The following ZDHHC13 variants were observed in gnomAD, a reference collection of about 807,000 sequenced individuals.
ZDHHC13 encodes zDHHC palmitoyltransferase 13, also known as palmitoyltransferase ZDHHC13.
ZDHHC13 carries 85 observed loss-of-function variants against 86.0 expected under a neutral mutation model. The ratio of observed to expected loss-of-function variants is 0.99; its 90% CI spans 0.83 to 1.18. The LOEUF (loss-of-function observed/expected upper bound fraction) is 1.18, where lower values mean the gene tolerates loss of function less well. ZDHHC13 is among the 50% of genes most tolerant of loss of function. ZDHHC13 has a pLI of 0.00. For synonymous variants in ZDHHC13, 263 were observed against 246.4 expected, an observed-to-expected ratio of 1.07 and a Z score of -0.63; for missense variants, 711 against 730.2, an observed-to-expected ratio of 0.97 and a Z score of 0.30.
intron 1 of ZDHHC13, among the ~76,000 whole-genome samples, chr11:19,136,325 G>A (rs1285317021): frequency 6.6e-6 from 1 of 152,330 alleles, no homozygotes. Flanking sequence ...GGGTATCAGT[G>A]ATGGAAGATG....
chr11:19,117,168 A>T lies in ZDHHC13; in HGVS notation c.-82A>T. On this transcript the variant is annotated 5_prime_UTR_variant, in exon 1 of 17. Coordinates refer to ENST00000446113, the MANE Select transcript of ZDHHC13 (RefSeq NM_019028.3). The surrounding 1 kb of genome is among the most constrained non-coding windows in gnomAD (Gnocchi z 4.2). ...GAGGGCGCCAGCAGGAAGTGGGAGAAGAGGCGACCCAAGGCGGGCTGGCGG... is the reference window on the plus strand; with the variant it reads ...GAGGGCGCCAGCAGGAAGTGGGAGATGAGGCGACCCAAGGCGGGCTGGCGG... 1 of 1,473,896 alleles carries T rather than the reference A, an allele frequency of 6.8e-7. No homozygotes were observed. The highest frequency in any genetic ancestry group is 9.2e-7 in the Non-Finnish European group (1 of 1,092,308). 91.3% of individuals were successfully genotyped at this position (1,473,896 alleles called of 1,614,324 possible).
intron 14 of ZDHHC13, chr11:19,167,909 G>T (rs546087984): frequency 6.6e-6 from 1 of 152,290 alleles, no homozygotes; most frequent in South Asian, 2.1e-4. Flanking sequence ...AGCTTTTTGT[G>T]CTCAAGTGAT....
chr11:19,154,421 A>G (rs1411119841), intron 8 of ZDHHC13, among the ~76,000 whole-genome samples: 1 of 152,206 alleles, frequency 6.6e-6, no homozygotes, highest in Non-Finnish European at 1.5e-5. Flanking sequence ...CATCATGCCA[A>G]TTGGAATAGG....
At chr11:19,156,535 T>C (rs1284866698) in intron 9 of ZDHHC13, among the ~76,000 whole-genome samples, 4 of 152,208 alleles carry the variant, frequency 2.6e-5, no homozygotes, top group Non-Finnish European at 5.9e-5. Context: ...AATGCCTGCC[T>C]CATGGTTAAC....
chr11:19,135,889 A>G (rs1849125045), intron 1 of ZDHHC13, among the ~76,000 whole-genome samples: 1 of 151,946 alleles, frequency 6.6e-6, no homozygotes. Context: ...AAACTAACAA[A>G]CAGAAAGGAC....
At chr11:19,150,086 A>G (rs1196304183) in intron 5 of ZDHHC13, among the ~76,000 whole-genome samples, 1 of 152,178 alleles carries the variant, frequency 6.6e-6, no homozygotes, top group Non-Finnish European at 1.5e-5. Flanking sequence ...CTGTTCCTCC[A>G]AGGCCCATAA....
intron 1 of ZDHHC13, among the ~76,000 whole-genome samples, chr11:19,133,190 A>G (rs1014161608): frequency 6.6e-6 from 1 of 152,182 alleles, no homozygotes; most frequent in African/African-American, 2.4e-5. Context: ...GGCAAAAGTT[A>G]TGGAGTCTGA....
rs757876763 is a variant in ZDHHC13 at position 19,152,293 on chromosome 11, T to G, written c.720T>G (p.Gly240=). 3 of 1,613,174 alleles carry G rather than the reference T, an allele frequency of 1.9e-6. No individual in the cohort carries two copies. The highest frequency in any genetic ancestry group is 2.5e-6 in the Non-Finnish European group (3 of 1,179,440). ...VNAVDKLLEA[G]SSLDIQNVKG... is the part of the protein sequence containing the mutation. ...CAGTTGATAAGCTTTTGGAAGCTGG[T>G]TCTAGCCTGGATATCCAGAATGTTA... The change falls in exon 7 of 17, where the codon GGT becomes GGG. Residue 240 remains glycine, a synonymous_variant. Coordinates refer to ENST00000446113, the MANE Select transcript of ZDHHC13 (RefSeq NM_019028.3).
At chr11:19,136,918 G>C (rs947349694) in intron 1 of ZDHHC13, among the ~76,000 whole-genome samples, 1 of 151,570 alleles carries the variant, frequency 6.6e-6, no homozygotes, top group East Asian at 1.9e-4. Flanking sequence ...TCCTGAAAGC[G>C]CTAAACATGG....
intron 15 of ZDHHC13, among the ~76,000 whole-genome samples, chr11:19,171,177 A>G (rs1850211315): frequency 1.3e-5 from 2 of 152,224 alleles, no homozygotes; most frequent in African/African-American, 4.8e-5. Context: ...GGCCATGGCC[A>G]TTAGAAAGTT....
chr11:19,165,136 C>A lies in ZDHHC13; in HGVS notation c.1381C>A (p.Arg461=), dbSNP rs201511447. 6.2e-7 allele frequency: 1 copy of A among 1,611,678 alleles called. No homozygotes were observed. The highest frequency in any genetic ancestry group is 1.7e-5 in the Admixed American group (1 of 59,680). ...RYDQHCLWTG[R]CIGFGNHHYY... is the part of the protein sequence containing the mutation. ...TGATCAACACTGCCTGTGGACTGGA[C>A]GGTGCATAGGTGAGAGATTTAATTT... is the stretch of plus-strand genomic sequence containing the variant. The change falls in exon 13 of 17, where the codon CGG becomes AGG. Residue 461 remains arginine (R), a synonymous_variant. Transcript: ENST00000446113.
At chr11:19,163,608 A>G (rs1590088331) in intron 11 of ZDHHC13, among the ~76,000 whole-genome samples, 181 bp downstream of exon 11, 1 of 152,142 alleles carries the variant, frequency 6.6e-6, no homozygotes, top group South Asian at 2.1e-4. Flanking sequence ...GTTTTAACAC[A>G]TATTTTTATT....
intron 4 of ZDHHC13, among the ~76,000 whole-genome samples, chr11:19,148,060 T>C (rs2133418247): frequency 6.6e-6 from 1 of 152,298 alleles, no homozygotes. Context: ...AGTATATCTC[T>C]ATATCTTAGG....
At chr11:19,153,392 T>C (rs1225276809) in intron 8 of ZDHHC13, among the ~76,000 whole-genome samples, 2 of 152,236 alleles carry the variant, frequency 1.3e-5, no homozygotes, top group Non-Finnish European at 2.9e-5. Flanking sequence ...TTCTAGTGTT[T>C]TCAAATATGA....
chr11:19,123,447 C>G (rs150385246), intron 1 of ZDHHC13, among the ~76,000 whole-genome samples: 4 of 151,666 alleles, frequency 2.6e-5, no homozygotes, highest in East Asian at 1.9e-4. Context: ...GGCAACATAA[C>G]GAGACCAGTC....
intron 10 of ZDHHC13, among the ~76,000 whole-genome samples, chr11:19,159,875 C>T (rs772831794): frequency 5.9e-5 from 9 of 151,842 alleles, no homozygotes; most frequent in Non-Finnish European, 5.9e-5. Flanking sequence ...CTTCCCACCT[C>T]TTGCCAGACT....
intron 1 of ZDHHC13, among the ~76,000 whole-genome samples, chr11:19,141,331 C>A (rs1288264192): frequency 6.6e-6 from 1 of 152,054 alleles, no homozygotes; most frequent in Non-Finnish European, 1.5e-5. Context: ...ATAATATGTA[C>A]ATTTGGTGTA....
chr11:19,165,576 C>T (rs1185528849), intron 13 of ZDHHC13, among the ~76,000 whole-genome samples: 2 of 152,154 alleles, frequency 1.3e-5, no homozygotes, highest in African/African-American at 2.4e-5. Flanking sequence ...CTCCCATCTC[C>T]AGCATTGAGA....
chr11:19,122,487 A>C (rs1269191461), intron 1 of ZDHHC13, among the ~76,000 whole-genome samples: 2 of 151,932 alleles, frequency 1.3e-5, no homozygotes, highest in African/African-American at 4.8e-5. Context: ...ATTTTGGGAG[A>C]GGTAATTTAG....
Sources: allele counts gnomAD v4.1 joint callset (sites outside exome capture counted in the v4.1 genomes callset), GRCh38; gene constraint gnomAD v4.1.1; non-coding constraint Gnocchi (gnomAD v3.1); transcripts MANE v1.5; gene names NCBI Gene and HGNC (gene_info 2026-07-23, HGNC 2026-07-21).